The following MYH11 variants were observed in gnomAD, a reference collection of about 807,000 sequenced individuals.
MYH11 encodes the protein myosin heavy chain 11, also known as myosin-11.
A neutral mutation model predicts 246.6 loss-of-function variants in MYH11; 80 were observed. The observed-to-expected ratio is 0.32, with a 90% CI of 0.27 to 0.39. MYH11 has a LOEUF of 0.39. MYH11 is among the 10% of genes least tolerant of loss of function. The pLI, the probability that MYH11 is intolerant of heterozygous loss-of-function variation, is 1.00. For synonymous variants in MYH11, 1,071 were observed against 1,015.5 expected, an observed-to-expected ratio of 1.05 and a Z score of -1.04; for missense variants, 2,158 against 2,546.8, an observed-to-expected ratio of 0.85 and a Z score of 3.29.
At chr16:15,810,124 C>T (rs2043105022) in intron 3 of MYH11, among the ~76,000 whole-genome samples, 1 of 151,848 alleles carries the variant, frequency 6.6e-6, no homozygotes, top group South Asian at 2.1e-4. Flanking sequence ...ACCTCTACCT[C>T]CCAGGTTCAA....
intron 2 of MYH11, among the ~76,000 whole-genome samples, chr16:15,827,835 C>T (rs954825170): frequency 7.9e-5 from 12 of 152,198 alleles, no homozygotes; most frequent in African/African-American, 2.9e-4. Context: ...AGGCCAGGGG[C>T]TATTTCCTGT....
At chr16:15,706,605 G>A (rs1487827560) in intron 40 of MYH11, among the ~76,000 whole-genome samples, 1 of 152,080 alleles carries the variant, frequency 6.6e-6, no homozygotes, top group Non-Finnish European at 1.5e-5. Context: ...CACTCAGGAG[G>A]CTGAGGCAGG....
rs761131497 is a variant in MYH11 at position 15,838,138 on chromosome 16, G to C, written c.115C>G (p.Pro39Ala). Residue 39 changes from proline (P) to alanine (A), a missense_variant, in exon 2 of 41, where the codon CCC (proline) becomes GCC (alanine). This residue lies in a region of MYH11 where 96 missense variants were observed against 91.9 expected (regional missense o/e 1.04). Transcript: ENST00000300036. ...GCCTCGAAGCCCTGCTTCTCCGAGG[G>C]GACCCAGACGAGTCTCTTGGCGGCC... Reference protein sequence around the residue: ...DWAAKRLVWVPSEKQGFEAAS... With the variant: ...DWAAKRLVWVASEKQGFEAAS... 2 of 1,614,034 alleles carry C rather than the reference G, an allele frequency of 1.2e-6. No individual in the cohort carries two copies. The highest frequency in any genetic ancestry group is 3.3e-5 in the Admixed American group (2 of 59,994).
rs200091109 is a variant in MYH11 at position 15,737,983 on chromosome 16, TC to T, written c.3122-364del. Among the ~76,000 whole-genome samples the T allele has an allele frequency of 1.6e-4, 24 of 152,134 alleles. No homozygotes were observed. The East Asian group carries it at 4.7e-3, about 30-fold the overall frequency. ...AATTTTTGTATTTTGAGACAGGGTT[TC>T]ACCATGTTGGCCAGGCTGGTCTCCA... On this transcript the variant is annotated intron_variant, in intron 24 of 40. Transcript: ENST00000300036.
intron 5 of MYH11, chr16:15,785,903 T>C (rs9929522): frequency 0.25 from 40,926 of 161,356 alleles, 6,117 homozygotes; most frequent in African/African-American, 0.41. Flanking sequence ...TCCACAGGTC[T>C]GGAAGCTCAG....
At chr16:15,734,638 T>C (rs959393024) in intron 26 of MYH11, among the ~76,000 whole-genome samples, 1 of 152,212 alleles carries the variant, frequency 6.6e-6, no homozygotes, top group African/African-American at 2.4e-5. Context: ...AGTTTTCAAA[T>C]TGTTCTCTGA....
At chr16:15,808,380 G>T (rs1567190338) in intron 3 of MYH11, among the ~76,000 whole-genome samples, 1 of 152,212 alleles carries the variant, frequency 6.6e-6, no homozygotes, top group Non-Finnish European at 1.5e-5. Flanking sequence ...GAGGCACAAA[G>T]TAATAGCCGG....
chr16:15,715,400 T>C, intron 38 of MYH11, 128 bp from the exon 39 acceptor site: 1 of 809,114 alleles, frequency 1.2e-6, no homozygotes, highest in Non-Finnish European at 2.1e-6. Context: ...CAAGAATCAG[T>C]CAGATGGTGG....
chr16:15,852,686 C>A (rs1056543234), intron 1 of MYH11, among the ~76,000 whole-genome samples: 1 of 152,052 alleles, frequency 6.6e-6, no homozygotes, highest in African/African-American at 2.4e-5. Context: ...ATTTTAGATA[C>A]GCATGCCCTT....
intron 3 of MYH11, among the ~76,000 whole-genome samples, chr16:15,815,994 A>C (rs1488855058): frequency 1.3e-5 from 2 of 152,214 alleles, no homozygotes; most frequent in Non-Finnish European, 2.9e-5. Flanking sequence ...TCTTGCCTGA[A>C]ATTTTAAACC....
chr16:15,757,507 A>AG (rs2041756583), intron 13 of MYH11, among the ~76,000 whole-genome samples: 2 of 74,694 alleles, frequency 2.7e-5, no homozygotes, highest in Admixed American at 1.3e-4. Flanking sequence ...AGACCATGTC[A>AG]TAAAAAAAAA....
At chr16:15,844,441 A>T (rs1347351714) in intron 1 of MYH11, among the ~76,000 whole-genome samples, 1 of 152,126 alleles carries the variant, frequency 6.6e-6, no homozygotes, top group Non-Finnish European at 1.5e-5. Context: ...CAGGTGATCT[A>T]CCGGCCTTGG....
chr16:15,757,444 G>C (rs1206079539), intron 13 of MYH11, among the ~76,000 whole-genome samples: 2 of 147,246 alleles, frequency 1.4e-5, no homozygotes, highest in African/African-American at 5.0e-5. Context: ...GGGAGGTGGA[G>C]GTTGCAGTGA....
intron 3 of MYH11, among the ~76,000 whole-genome samples, chr16:15,816,986 T>C (rs1013453529): frequency 1.3e-5 from 2 of 152,114 alleles, no homozygotes; most frequent in African/African-American, 4.8e-5. Flanking sequence ...TGGCAAAATA[T>C]AGGACTGTAT....
At chr16:15,708,130 T>C (rs530468874) in intron 40 of MYH11, among the ~76,000 whole-genome samples, 1 of 152,224 alleles carries the variant, frequency 6.6e-6, no homozygotes, top group South Asian at 2.1e-4. Flanking sequence ...TGTGCTTGGC[T>C]TTGCGGTGGT....
intron 31 of MYH11, 89 bp from the exon 32 acceptor site, chr16:15,721,723 C>CTGAA (rs2151211489): frequency 7.2e-7 from 1 of 1,381,286 alleles, no homozygotes; most frequent in East Asian, 2.3e-5. Context: ...CTGTGTCCTG[C>CTGAA]TGAATGTATT....
rs936802052 is a variant in MYH11 at position 15,728,830 on chromosome 16, G to A, written c.3652-1776C>T. Among the ~76,000 whole-genome samples, 21 of 152,096 alleles carry A rather than the reference G, an allele frequency of 1.4e-4. 1 individual carries two copies. The highest frequency in any genetic ancestry group is 4.6e-4 in the African/African-American group (19 of 41,412). On this transcript the variant is annotated intron_variant, in intron 27 of 40. Transcript: ENST00000300036. ...CAGGAGAATTGCCTGAACCCAGGAG[G>A]CGGGGGTTGCAGTGAGCCGAGATCC...
intron 11 of MYH11, 105 bp from the exon 12 acceptor site, chr16:15,759,833 C>G: frequency 7.0e-7 from 1 of 1,428,788 alleles, no homozygotes; most frequent in Non-Finnish European, 9.6e-7. Context: ...TGCAGTGACT[C>G]ACACTGTAAT....
intron 8 of MYH11, among the ~76,000 whole-genome samples, chr16:15,771,946 G>T (rs1170277187): frequency 6.6e-6 from 1 of 151,902 alleles, no homozygotes; most frequent in Non-Finnish European, 1.5e-5. Flanking sequence ...TCCAGCCTTG[G>T]TTCTGCTTGC....
Sources: gnomAD v4.1 joint callset for allele counts (sites outside exome capture counted in the v4.1 genomes callset) on GRCh38, gnomAD v4.1.1 for gene constraint, gnomAD v4.1.1 regional missense constraint, MANE v1.5 for transcripts, NCBI Gene and HGNC (gene_info 2026-07-23, HGNC 2026-07-21) for gene names.